RAB9A: variants seen among roughly 807,000 people sequenced by gnomAD.
The protein encoded by RAB9A is RAB9A, member RAS oncogene family.
In RAB9A, 1 loss-of-function variant was observed where a neutral mutation model predicts 10.3. That is an observed-to-expected ratio of 0.10 (90% CI 0.03 to 0.46). RAB9A has a LOEUF of 0.46. Among genes scored for constraint, RAB9A ranks in the 20% least tolerant of loss-of-function variants. RAB9A has a pLI of 0.96. For synonymous variants in RAB9A, 39 were observed against 55.2 expected (o/e 0.71, Z 1.30); for missense variants, 92 against 150.3 (o/e 0.61, Z 2.03).
At chrX:13,695,684 C>G (rs929366957) in intron 1 of RAB9A, among the ~76,000 whole-genome samples, 11 of 112,214 alleles carry the variant, frequency 9.8e-5, no homozygotes, top group African/African-American at 3.6e-4. Flanking sequence ...TGAATTTGAA[C>G]TACCATCAGG....
intron 1 of RAB9A, among the ~76,000 whole-genome samples, chrX:13,693,169 A>G (rs1301980200): frequency 1.8e-5 from 1 of 54,466 alleles, no homozygotes; most frequent in Non-Finnish European, 3.4e-5. Context: ...AGTTCTGCCC[A>G]GGCAATGTGT....
intron 1 of RAB9A, among the ~76,000 whole-genome samples, chrX:13,698,374 C>A (rs746741705): frequency 9.1e-6 from 1 of 109,614 alleles, no homozygotes; most frequent in Middle Eastern, 4.7e-3. Context: ...GAAATAAGTT[C>A]TTTCAATAGG....
chrX:13,703,027 G>C (rs2046181191), intron 1 of RAB9A, among the ~76,000 whole-genome samples: 1 of 112,866 alleles, frequency 8.9e-6, no homozygotes, highest in Non-Finnish European at 1.9e-5. Flanking sequence ...ACTCACATGT[G>C]CTTTATGCTA....
chrX:13,700,829 GA>G (rs1268986271), intron 1 of RAB9A, among the ~76,000 whole-genome samples: 3 of 110,623 alleles, frequency 2.7e-5, no homozygotes, highest in Non-Finnish European at 5.7e-5. Context: ...GGAGTGCAGT[GA>G]TGTGATCACA....
At chrX:13,694,232 C>CAGTT (rs2046138182) in intron 1 of RAB9A, among the ~76,000 whole-genome samples, 1 of 111,320 alleles carries the variant, frequency 9.0e-6, no homozygotes, top group Non-Finnish European at 1.9e-5. Flanking sequence ...AGAACTCTAA[C>CAGTT]AGATAGGAGT....
chrX:13,700,532 A>G (rs1046921376), intron 1 of RAB9A, among the ~76,000 whole-genome samples: 3 of 112,027 alleles, frequency 2.7e-5, no homozygotes, highest in African/African-American at 9.8e-5. Flanking sequence ...TTTTCCTGCC[A>G]GTGACCTGCT....
chrX:13,702,705 G>A (rs759944856), intron 1 of RAB9A, among the ~76,000 whole-genome samples: 4 of 111,933 alleles, frequency 3.6e-5, no homozygotes, highest in Non-Finnish European at 7.5e-5. Context: ...GAGATGGTGG[G>A]CAGAATCCCT....
intron 1 of RAB9A, among the ~76,000 whole-genome samples, chrX:13,690,578 C>T (rs1228423110): frequency 4.5e-5 from 5 of 111,723 alleles, no homozygotes; most frequent in African/African-American, 9.8e-5. Flanking sequence ...TTAGTGCTAT[C>T]ACTTCTTTTC....
intron 1 of RAB9A, among the ~76,000 whole-genome samples, chrX:13,695,538 T>C (rs1240183559): frequency 5.3e-5 from 6 of 112,602 alleles, no homozygotes; most frequent in African/African-American, 1.9e-4. Context: ...TAGCATTTAT[T>C]ATTTGAGCAA....
chrX:13,704,602 A>G (rs2046189098), intron 2 of RAB9A, among the ~76,000 whole-genome samples: 1 of 104,700 alleles, frequency 9.6e-6, no homozygotes, highest in South Asian at 4.5e-4. Context: ...CTTTTCTTAT[A>G]TAGATTTCTT....
chrX:13,691,302 C>T (rs934062663), intron 1 of RAB9A, among the ~76,000 whole-genome samples: 1 of 111,074 alleles, frequency 9.0e-6, no homozygotes, highest in African/African-American at 3.3e-5. Context: ...ATTTGGGATA[C>T]CTCATCATTT....
intron 2 of RAB9A, among the ~76,000 whole-genome samples, chrX:13,705,107 G>C (rs1200851316): frequency 9.0e-6 from 1 of 111,514 alleles, no homozygotes; most frequent in Admixed American, 9.5e-5. Context: ...AATTTCAAAG[G>C]ATTTTACTGT....
intron 1 of RAB9A, among the ~76,000 whole-genome samples, chrX:13,691,521 G>C (rs769527127): frequency 1.8e-5 from 2 of 109,582 alleles, no homozygotes; most frequent in Non-Finnish European, 3.8e-5. Flanking sequence ...TTAGCCAGGC[G>C]TGGTGGCGGA....
intron 1 of RAB9A, among the ~76,000 whole-genome samples, chrX:13,699,348 A>G (rs904038928): frequency 8.9e-6 from 1 of 112,443 alleles, no homozygotes; most frequent in Non-Finnish European, 1.9e-5. Flanking sequence ...CAAGAATAAA[A>G]GAGGAAGTAA....
At chrX:13,706,440 G>A (rs1230656505) in intron 2 of RAB9A, among the ~76,000 whole-genome samples, 2 of 111,515 alleles carry the variant, frequency 1.8e-5, no homozygotes, top group Non-Finnish European at 3.8e-5. Context: ...CACCTAGGCT[G>A]GAGTGCAGTG....
intron 2 of RAB9A, among the ~76,000 whole-genome samples, chrX:13,704,751 A>C (rs943492444): frequency 9.1e-6 from 1 of 109,602 alleles, no homozygotes; most frequent in South Asian, 3.9e-4. Context: ...AGTAGCTGGG[A>C]TTACAGGCAT....
At chrX:13,698,330 T>C (rs943716109) in intron 1 of RAB9A, among the ~76,000 whole-genome samples, 7 of 109,807 alleles carry the variant, frequency 6.4e-5, no homozygotes, top group South Asian at 3.9e-4. Context: ...AAAGTTAAGT[T>C]AGCTGATTCA....
At chrX:13,699,695 C>T (rs1277548143) in intron 1 of RAB9A, among the ~76,000 whole-genome samples, 31 of 112,381 alleles carry the variant, frequency 2.8e-4, no homozygotes, top group Non-Finnish European at 1.1e-4. Context: ...AGGGAGGGGC[C>T]TCCCAGGCCA....
At chrX:13,706,185 C>T (rs1317244418) in intron 2 of RAB9A, among the ~76,000 whole-genome samples, 5 of 111,863 alleles carry the variant, frequency 4.5e-5, no homozygotes, top group African/African-American at 1.6e-4. Flanking sequence ...ATTAAAGCAG[C>T]CAATTTAGCA....
Sources: allele counts gnomAD v4.1 joint callset (sites outside exome capture counted in the v4.1 genomes callset), GRCh38; gene constraint gnomAD v4.1.1; transcripts MANE v1.5; gene names NCBI Gene and HGNC (gene_info 2026-07-23, HGNC 2026-07-21).